Variants in SLC10A7 observed in about 807,000 individuals in gnomAD.
SLC10A7 encodes solute carrier family 10 member 7.
A neutral mutation model predicts 43.2 loss-of-function variants in SLC10A7; 29 were observed. The observed-to-expected ratio is 0.67, with a 90% CI of 0.50 to 0.92. The LOEUF is 0.92. SLC10A7 is among the 40% of genes least tolerant of loss of function. The probability of loss-of-function intolerance (pLI) is 0.00; values close to 1 mark genes in which losing one functional copy is unlikely to be tolerated. For missense variants in SLC10A7, 295 were observed against 403.2 expected (o/e 0.73, Z 2.30); for synonymous variants, 152 against 144.8 (o/e 1.05, Z -0.35).
intron 6 of SLC10A7, among the ~76,000 whole-genome samples, chr4:146,313,268 G>C (rs1732103290): frequency 6.6e-6 from 1 of 152,162 alleles, no homozygotes; most frequent in African/African-American, 2.4e-5. Flanking sequence ...CATGTCTCCA[G>C]CTCACTTCAG....
intron 5 of SLC10A7, among the ~76,000 whole-genome samples, chr4:146,425,905 C>T (rs1729314363): frequency 6.6e-6 from 1 of 152,214 alleles, no homozygotes; most frequent in African/African-American, 2.4e-5. Flanking sequence ...ACCTCCCTAC[C>T]TCTGCTTCCT....
intron 4 of SLC10A7, among the ~76,000 whole-genome samples, chr4:146,451,494 A>G (rs1731601634): frequency 6.6e-6 from 1 of 152,100 alleles, no homozygotes; most frequent in African/African-American, 2.4e-5. Flanking sequence ...ATCCTAGCAA[A>G]TGGAATCCAA....
intron 6 of SLC10A7, among the ~76,000 whole-genome samples, chr4:146,318,903 T>C (rs1480710987): frequency 6.6e-6 from 1 of 152,044 alleles, no homozygotes; most frequent in African/African-American, 2.4e-5. Flanking sequence ...ACTTTCCAGT[T>C]CTACTTACAA....
intron 3 of SLC10A7, among the ~76,000 whole-genome samples, chr4:146,506,379 A>G (rs1437203188): frequency 6.6e-6 from 1 of 152,252 alleles, no homozygotes; most frequent in Non-Finnish European, 1.5e-5. Flanking sequence ...GAGGCAGAAG[A>G]GTCAATGCAG....
intron 5 of SLC10A7, among the ~76,000 whole-genome samples, chr4:146,330,120 C>T (rs751304772): frequency 6.6e-6 from 1 of 152,156 alleles, no homozygotes; most frequent in Non-Finnish European, 1.5e-5. Context: ...AATCCATTTA[C>T]ACCTCAGATG....
chr4:146,350,231 G>T (rs1734953011), intron 5 of SLC10A7, among the ~76,000 whole-genome samples: 2 of 151,028 alleles, frequency 1.3e-5, no homozygotes. Flanking sequence ...AAGCGCAAGG[G>T]GTCAGGGAGT....
At chr4:146,393,518 TA>T (rs1273952648) in intron 5 of SLC10A7, among the ~76,000 whole-genome samples, 5 of 152,316 alleles carry the variant, frequency 3.3e-5, no homozygotes, top group African/African-American at 1.2e-4. Context: ...CACTAGAATG[TA>T]ACCTCCATAA....
At chr4:146,412,985 T>C (rs1358225556) in intron 5 of SLC10A7, among the ~76,000 whole-genome samples, 1 of 152,284 alleles carries the variant, frequency 6.6e-6, no homozygotes, top group East Asian at 1.9e-4. Flanking sequence ...TCAATAAGTA[T>C]TTCTTATACA....
intron 5 of SLC10A7, among the ~76,000 whole-genome samples, chr4:146,350,787 G>A (rs369081146): frequency 2.9e-5 from 3 of 104,008 alleles, no homozygotes; most frequent in African/African-American, 9.5e-5. Context: ...CACCTCACAC[G>A]GCAGGGTATT....
chr4:146,349,177 A>G (rs894878010), intron 5 of SLC10A7, among the ~76,000 whole-genome samples: 1 of 152,190 alleles, frequency 6.6e-6, no homozygotes, highest in African/African-American at 2.4e-5. Context: ...CTACCAAATT[A>G]ACTACTTGTT....
At chr4:146,464,900 A>T (rs1180606418) in intron 4 of SLC10A7, among the ~76,000 whole-genome samples, 1 of 152,156 alleles carries the variant, frequency 6.6e-6, no homozygotes, top group Admixed American at 6.6e-5. Context: ...CCCACTTTTT[A>T]AAAAGTATTC....
At chr4:146,323,524 A>T (rs1732885262) in intron 6 of SLC10A7, among the ~76,000 whole-genome samples, 1 of 152,192 alleles carries the variant, frequency 6.6e-6, no homozygotes, top group East Asian at 1.9e-4. Context: ...TTTGTCAAAG[A>T]TCACATGGTT....
chr4:146,395,371 C>G (rs1738748376), intron 5 of SLC10A7, among the ~76,000 whole-genome samples: 2 of 152,144 alleles, frequency 1.3e-5, no homozygotes, highest in Admixed American at 1.3e-4. Context: ...TTCTAGGTAA[C>G]AGAGCAAAAC....
intron 7 of SLC10A7, among the ~76,000 whole-genome samples, chr4:146,303,191 T>C (rs1416751114): frequency 2.0e-5 from 3 of 152,122 alleles, no homozygotes; most frequent in African/African-American, 7.2e-5. Flanking sequence ...CCCCATGGGT[T>C]CTACTGAGAC....
intron 10 of SLC10A7, among the ~76,000 whole-genome samples, chr4:146,262,423 C>G (rs1182157623): frequency 2.0e-5 from 3 of 152,192 alleles, no homozygotes; most frequent in Non-Finnish European, 2.9e-5. Context: ...AGGTTGAGAA[C>G]CTGCTAAAAG....
intron 5 of SLC10A7, among the ~76,000 whole-genome samples, chr4:146,329,733 AT>A (rs1445604375): frequency 6.6e-6 from 1 of 152,178 alleles, no homozygotes; most frequent in South Asian, 2.1e-4. Flanking sequence ...TGGCAGATAC[AT>A]TTTTTTAGAG....
At position 146,430,003 on chromosome 4, in the gene SLC10A7, G is replaced by A. The variant is rs537692997; in HGVS notation, c.435+12780C>T. Among the ~76,000 whole-genome samples, 8 of 149,032 alleles carry A rather than the reference G, an allele frequency of 5.4e-5. No homozygotes were observed. The South Asian group carries it at 8.3e-4, about 16-fold the overall frequency. ...CTATACAAAAAAAATCATTCAAAACGGATCACAGGACTAAATGTAAAAACA... is the reference window on the plus strand; with the variant it reads ...CTATACAAAAAAAATCATTCAAAACAGATCACAGGACTAAATGTAAAAACA... On this transcript the variant is annotated intron_variant, in intron 5 of 11. Coordinates refer to ENST00000335472, the MANE Select transcript of SLC10A7 (RefSeq NM_001029998.6).
At chr4:146,440,893 C>T (rs1286813796) in intron 5 of SLC10A7, among the ~76,000 whole-genome samples, 1 of 152,170 alleles carries the variant, frequency 6.6e-6, no homozygotes, top group East Asian at 1.9e-4. Flanking sequence ...CCTACCCATA[C>T]CTCAAGGCCC....
At chr4:146,320,066 T>G (rs1044050332) in intron 6 of SLC10A7, among the ~76,000 whole-genome samples, 42 of 151,998 alleles carry the variant, frequency 2.8e-4, no homozygotes, top group African/African-American at 1.0e-3. Flanking sequence ...GCACTGGAGA[T>G]TTGAGAGGCA....
Sources: gnomAD v4.1 joint callset for allele counts (sites outside exome capture counted in the v4.1 genomes callset) on GRCh38, gnomAD v4.1.1 for gene constraint, MANE v1.5 for transcripts, NCBI Gene and HGNC (gene_info 2026-07-23, HGNC 2026-07-21) for gene names.